The following RARB variants were observed in gnomAD, a reference collection of about 807,000 sequenced individuals.
RARB encodes HBV-activated protein.
A neutral mutation model predicts 51.9 loss-of-function variants in RARB; 17 were observed. The observed-to-expected ratio is 0.33, with a 90% CI of 0.22 to 0.49. The LOEUF is 0.49. RARB is among the 20% of genes least tolerant of loss of function. The pLI is 0.99. For synonymous variants in RARB, 215 were observed against 195.4 expected, an observed-to-expected ratio of 1.10 and a Z score of -0.84; for missense variants, 369 against 550.8, an observed-to-expected ratio of 0.67 and a Z score of 3.30.
intron 5 of RARB, among the ~76,000 whole-genome samples, chr3:25,329,595 C>G (rs1489050407): frequency 1.3e-5 from 2 of 152,180 alleles, no homozygotes; most frequent in Non-Finnish European, 2.9e-5. Flanking sequence ...AAAAATCAGA[C>G]TGCCTCTACT....
chr3:25,007,908 C>T (rs931316449), intron 2 of RARB, among the ~76,000 whole-genome samples: 13 of 151,846 alleles, frequency 8.6e-5, no homozygotes, highest in African/African-American at 2.9e-4. Flanking sequence ...CACAGGGTGA[C>T]CTTGGGCAAA....
At chr3:25,031,394 A>G (rs1473986173) in intron 2 of RARB, among the ~76,000 whole-genome samples, 1 of 152,180 alleles carries the variant, frequency 6.6e-6, no homozygotes, top group Non-Finnish European at 1.5e-5. Context: ...CCTGGCCGGT[A>G]AGCTTTTCCT....
intron 3 of RARB, among the ~76,000 whole-genome samples, chr3:25,110,499 A>G (rs1699583746): frequency 6.6e-6 from 1 of 152,194 alleles, no homozygotes; most frequent in Non-Finnish European, 1.5e-5. Context: ...TAAAAATACC[A>G]GTTGTTTCAT....
chr3:25,117,263 T>C (rs987093421), intron 3 of RARB, among the ~76,000 whole-genome samples: 5 of 152,160 alleles, frequency 3.3e-5, no homozygotes, highest in African/African-American at 1.2e-4. Context: ...CCTGAAGGTG[T>C]GTAACAGGAA....
At chr3:25,259,985 C>T (rs371409064) in intron 5 of RARB, 1 of 985,314 alleles carries the variant, frequency 1.0e-6, no homozygotes, top group Admixed American at 6.1e-5. Flanking sequence ...CTCAGCCAGC[C>T]TTTTACTCTC....
intron 5 of RARB, among the ~76,000 whole-genome samples, chr3:25,241,788 A>G (rs146397198): frequency 1.6e-3 from 243 of 152,296 alleles, no homozygotes; most frequent in African/African-American, 5.5e-3. Context: ...GCATGTGTCT[A>G]TATAGCAGAA....
chr3:25,174,760 T>A (rs1700710884), intron 5 of RARB, among the ~76,000 whole-genome samples: 1 of 152,210 alleles, frequency 6.6e-6, no homozygotes. Context: ...GTGGCAAATT[T>A]TAGAATTCAA....
At chr3:25,566,253 CT>C (rs1182614635) in intron 3 of RARB, among the ~76,000 whole-genome samples, 1 of 152,194 alleles carries the variant, frequency 6.6e-6, no homozygotes, top group Non-Finnish European at 1.5e-5. Context: ...TGTCCGTCAA[CT>C]TATGAAGCTG....
chr3:25,163,156 C>G (rs1700500033), intron 4 of RARB, among the ~76,000 whole-genome samples: 1 of 152,108 alleles, frequency 6.6e-6, no homozygotes, highest in African/African-American at 2.4e-5. Flanking sequence ...GATTTAGAGT[C>G]CAGTCAAATC....
intron 5 of RARB, among the ~76,000 whole-genome samples, chr3:25,585,476 G>C (rs979808342): frequency 6.6e-6 from 1 of 152,244 alleles, no homozygotes; most frequent in Non-Finnish European, 1.5e-5. Context: ...TTTAAAGACT[G>C]TGGTGGAGAA....
chr3:25,420,515 G>T (rs987978533), intron 5 of RARB, among the ~76,000 whole-genome samples: 3 of 152,184 alleles, frequency 2.0e-5, no homozygotes, highest in African/African-American at 7.2e-5. Flanking sequence ...AATCTCCAGT[G>T]GCCAATGCCT....
intron 5 of RARB, among the ~76,000 whole-genome samples, chr3:25,245,524 G>T (rs1233511543): frequency 6.6e-6 from 1 of 152,098 alleles, no homozygotes; most frequent in Admixed American, 6.5e-5. Flanking sequence ...TTCAGCATTT[G>T]CTTGTCTGTA....
chr3:25,122,301 A>T (rs1699796920), intron 3 of RARB, among the ~76,000 whole-genome samples: 1 of 152,046 alleles, frequency 6.6e-6, no homozygotes, highest in South Asian at 2.1e-4. Context: ...ATTAAGAATA[A>T]AATGCAAATA....
chr3:25,062,305 A>G (rs969824060), intron 3 of RARB, among the ~76,000 whole-genome samples: 1 of 151,904 alleles, frequency 6.6e-6, no homozygotes, highest in South Asian at 2.1e-4. Flanking sequence ...TTTTATTGAC[A>G]AAATGTAGCC....
chr3:25,229,818 C>A (rs574770741), intron 5 of RARB, among the ~76,000 whole-genome samples: 3 of 151,874 alleles, frequency 2.0e-5, no homozygotes, highest in African/African-American at 7.3e-5. Flanking sequence ...ATGGCTTCAG[C>A]ACAGTGTGAA....
chr3:25,313,609 A>G (rs538958192), intron 5 of RARB, among the ~76,000 whole-genome samples: 1 of 152,022 alleles, frequency 6.6e-6, no homozygotes, highest in Admixed American at 6.5e-5. Context: ...CCTTTCTCCT[A>G]TTGTACTCTG....
intron 5 of RARB, among the ~76,000 whole-genome samples, chr3:25,188,027 G>C (rs1040728818): frequency 6.6e-6 from 1 of 151,988 alleles, no homozygotes; most frequent in Non-Finnish European, 1.5e-5. Flanking sequence ...TATTGACATG[G>C]AAATATTCAA....
Position 25,053,435 on chromosome 3 carries a change from C to T in RARB, c.-379-6690C>T, listed in dbSNP as rs1698377544. Among the ~76,000 whole-genome samples the T allele has an allele frequency of 2.6e-5, 4 of 152,150 alleles. No individual in the cohort carries two copies. In the South Asian group the frequency reaches 8.3e-4, roughly 32 times the overall value. The stretch of plus-strand genomic sequence containing the variant: ...AAGCAGTTTCCTTTGCTTAGCAGGT[C>T]CATAGTAGATGTTTATTGAGTTGAA... On this transcript the variant is annotated intron_variant, in intron 2 of 11. Coordinates refer to the RARB transcript ENST00000383772.
intron 2 of RARB, among the ~76,000 whole-genome samples, chr3:24,920,933 G>A (rs184223540): frequency 4.5e-4 from 69 of 152,204 alleles, no homozygotes; most frequent in African/African-American, 1.5e-3. Flanking sequence ...CTCCTAATTA[G>A]CTCTCTTAAG....
Sources: gnomAD v4.1 joint callset for allele counts (sites outside exome capture counted in the v4.1 genomes callset) on GRCh38, gnomAD v4.1.1 for gene constraint, MANE v1.5 for transcripts, NCBI Gene and HGNC (gene_info 2026-07-23, HGNC 2026-07-21) for gene names.